PRKCE: variants seen among roughly 807,000 people sequenced by gnomAD.
The protein encoded by PRKCE is protein kinase C epsilon type.
A neutral mutation model predicts 85.4 loss-of-function variants in PRKCE; 16 were observed. That is an observed-to-expected ratio of 0.19 (90% CI 0.13 to 0.28). The LOEUF (loss-of-function observed/expected upper bound fraction) is 0.28, where lower values mean the gene tolerates loss of function less well. Among genes scored for constraint, PRKCE ranks in the 10% least tolerant of loss-of-function variants. PRKCE has a pLI of 1.00. For missense variants in PRKCE, 573 were observed against 975.2 expected, an observed-to-expected ratio of 0.59 and a Z score of 5.49; for synonymous variants, 388 against 371.5, an observed-to-expected ratio of 1.04 and a Z score of -0.51.
chr2:46,039,685 A>G (rs183160040), intron 10 of PRKCE, among the ~76,000 whole-genome samples: 3 of 152,172 alleles, frequency 2.0e-5, no homozygotes, highest in Non-Finnish European at 4.4e-5. Flanking sequence ...TACTCTGGCT[A>G]ATGTCCTCTA....
intron 10 of PRKCE, among the ~76,000 whole-genome samples, chr2:46,075,186 A>G (rs1668451046): frequency 6.6e-6 from 1 of 151,910 alleles, no homozygotes. Context: ...GACTGTAGGC[A>G]CGCACCACCA....
intron 1 of PRKCE, among the ~76,000 whole-genome samples, chr2:45,653,599 G>C (rs1265029622): frequency 6.6e-6 from 1 of 152,068 alleles, no homozygotes; most frequent in East Asian, 1.9e-4. Flanking sequence ...CTAACTTCAT[G>C]AATGTCCTAG....
intron 2 of PRKCE, among the ~76,000 whole-genome samples, chr2:45,861,840 A>G (rs1693183627): frequency 6.6e-6 from 1 of 152,214 alleles, no homozygotes; most frequent in South Asian, 2.1e-4. Flanking sequence ...GGAGTAATTA[A>G]CAACCATTAT....
intron 2 of PRKCE, among the ~76,000 whole-genome samples, chr2:45,941,774 G>A (rs184618876): frequency 1.3e-3 from 191 of 152,240 alleles, no homozygotes; most frequent in Middle Eastern, 3.4e-3. Context: ...TAACCTCTAC[G>A]GTCCACTGGA....
intron 10 of PRKCE, among the ~76,000 whole-genome samples, chr2:46,032,942 C>T (rs557432852): frequency 5.9e-5 from 9 of 152,168 alleles, no homozygotes; most frequent in African/African-American, 1.7e-4. Flanking sequence ...ACTGGAAACA[C>T]GGAGGTATAA....
intron 11 of PRKCE, among the ~76,000 whole-genome samples, chr2:46,116,965 C>G (rs1430940483): frequency 5.3e-5 from 8 of 152,070 alleles, no homozygotes; most frequent in Non-Finnish European, 1.0e-4. Context: ...AGCCAGCAGT[C>G]AAGAAAATTA....
At position 46,001,633 on chromosome 2, in the gene PRKCE, A is replaced by C; in HGVS notation, c.966+87A>C. On this transcript the variant is annotated intron_variant, in intron 7 of 14. Transcript: ENST00000306156. This position sits in a 1 kb window ranked among gnomAD's most constrained non-coding sequence, Gnocchi z 4.4. ...TCCAGAGGGTGCTCTGGAGTGAGGT[A>C]ATAAGATTCCTGGGTTTGAGGTATT... 1 of 1,423,236 alleles carries C rather than the reference A, an allele frequency of 7.0e-7. No individual in the cohort carries two copies. The highest frequency in any genetic ancestry group is 9.3e-7 in the Non-Finnish European group (1 of 1,076,738). The allele number at this position is 1,423,236 out of a possible 1,614,324, so 88.2% of individuals were successfully genotyped here.
intron 1 of PRKCE, among the ~76,000 whole-genome samples, chr2:45,841,022 C>T (rs1047549022): frequency 2.0e-5 from 3 of 152,134 alleles, no homozygotes; most frequent in Non-Finnish European, 1.5e-5. Flanking sequence ...TTCCCACCTC[C>T]ACGAGTGTGT....
rs114210653 is a variant in PRKCE at position 45,924,598 on chromosome 2, A to G, written c.413-51831A>G. Among the ~76,000 whole-genome samples the G allele has an allele frequency of 1.7e-3, 265 of 152,312 alleles. 4 individuals are homozygous for G. The highest frequency in any genetic ancestry group is 6.3e-3 in the African/African-American group (261 of 41,578). ...CTCACCAGGAAAAATGACAGGACTC[A>G]CTTCCCTACCCCATCAGGTTTTGTG... On this transcript the variant is annotated intron_variant, in intron 2 of 14. Coordinates refer to ENST00000306156, the MANE Select transcript of PRKCE (RefSeq NM_005400.3).
At chr2:45,961,923 G>A (rs1054291849) in intron 2 of PRKCE, among the ~76,000 whole-genome samples, 6 of 152,116 alleles carry the variant, frequency 3.9e-5, no homozygotes, top group Admixed American at 2.0e-4. Flanking sequence ...TCGAAATCCC[G>A]ACCTCAGGTG....
chr2:45,781,157 A>ACCCC (rs113092589), intron 1 of PRKCE, among the ~76,000 whole-genome samples: 152 of 149,452 alleles, frequency 1.0e-3, no homozygotes, highest in African/African-American at 3.4e-3. Context: ...ACATACGGAG[A>ACCCC]CCCCCCCATC....
intron 11 of PRKCE, among the ~76,000 whole-genome samples, chr2:46,116,136 C>T (rs1672747377): frequency 6.6e-6 from 1 of 152,186 alleles, no homozygotes; most frequent in South Asian, 2.1e-4. Context: ...GTCTCCCCAA[C>T]CAAATTGCTA....
chr2:46,016,896 C>A (rs1264568769), intron 10 of PRKCE, among the ~76,000 whole-genome samples: 2 of 129,072 alleles, frequency 1.5e-5, no homozygotes, highest in Non-Finnish European at 3.2e-5. Context: ...GGCAATAGAG[C>A]TAGACTCTGT....
chr2:45,893,016 G>A (rs1035596516), intron 2 of PRKCE, among the ~76,000 whole-genome samples: 6 of 152,176 alleles, frequency 3.9e-5, no homozygotes, highest in Admixed American at 2.6e-4. Context: ...TCATTCCGCT[G>A]CACAGAGAAG....
At chr2:45,817,539 A>G (rs140804648) in intron 1 of PRKCE, among the ~76,000 whole-genome samples, 6,371 of 26,944 alleles carry the variant, frequency 0.24, 446 homozygotes, top group African/African-American at 0.43. Context: ...TAAAAATACA[A>G]AAAAATCAGC....
chr2:45,827,065 A>G (rs1222268687), intron 1 of PRKCE, among the ~76,000 whole-genome samples: 1 of 152,148 alleles, frequency 6.6e-6, no homozygotes, highest in East Asian at 1.9e-4. Flanking sequence ...CATCTCACTC[A>G]CGGCCAAAGC....
intron 1 of PRKCE, among the ~76,000 whole-genome samples, chr2:45,713,751 C>G (rs1049627651): frequency 9.2e-5 from 14 of 152,116 alleles, no homozygotes; most frequent in African/African-American, 3.4e-4. Flanking sequence ...GAAGATAAAA[C>G]ACCCCTGAAA....
At chr2:45,840,301 T>C (rs2345626) in intron 1 of PRKCE, 116,972 of 151,626 alleles carry the variant, frequency 0.77, 45,208 homozygotes, top group Admixed American at 0.82. Context: ...TATTTTTGAC[T>C]TTTGTCAGGG....
chr2:46,113,768 G>A (rs1672488237), intron 11 of PRKCE, among the ~76,000 whole-genome samples: 1 of 152,116 alleles, frequency 6.6e-6, no homozygotes, highest in South Asian at 2.1e-4. Flanking sequence ...AGATTCCTGA[G>A]GGATGAATGT....
Sources: gnomAD v4.1 joint callset for allele counts (sites outside exome capture counted in the v4.1 genomes callset) on GRCh38, gnomAD v4.1.1 for gene constraint, Gnocchi (gnomAD v3.1) non-coding constraint, MANE v1.5 for transcripts, NCBI Gene and HGNC (gene_info 2026-07-23, HGNC 2026-07-21) for gene names.